COPS7B: variants seen among roughly 807,000 people sequenced by gnomAD.
COPS7B encodes COP9 signalosome complex subunit 7b.
In COPS7B, 9 loss-of-function variants were observed where a neutral mutation model predicts 33.4. The observed-to-expected ratio is 0.27, with a 90% CI of 0.16 to 0.47. COPS7B has a LOEUF of 0.47. Among genes scored for constraint, COPS7B ranks in the 20% least tolerant of loss-of-function variants. COPS7B has a pLI of 0.99. For missense variants in COPS7B, 242 were observed against 318.2 expected (o/e 0.76, Z 1.82); for synonymous variants, 119 against 126.3 (o/e 0.94, Z 0.39).
chr2:231,793,180 C>T (rs2049467979), intron 3 of COPS7B, among the ~76,000 whole-genome samples: 1 of 152,180 alleles, frequency 6.6e-6, no homozygotes, highest in Non-Finnish European at 1.5e-5. Flanking sequence ...TATTCCTTAC[C>T]TACACTCCTC....
rs955573798 is a variant in COPS7B, at chr2:231,794,146, A to G, written c.239-117A>G. On this transcript the variant is annotated intron_variant, in intron 3 of 6. Transcript: ENST00000350033. ...AATATTTGTCAAATGAATAAGTGCA[A>G]AGTCATGATAGTGATTCAGTAGTAG... 7.3e-5 allele frequency: 49 copies of G among 673,880 alleles called. 1 individual carries two copies. The African/African-American group carries it at 7.4e-4, about 10-fold the overall frequency. The allele number at this position is 673,880 out of a possible 1,614,324, so 41.7% of individuals were successfully genotyped here.
chr2:231,808,271 C>T lies in COPS7B; in HGVS notation c.*626C>T, dbSNP rs978802318. 3.2e-5 allele frequency: 12 copies of T among 373,408 alleles called. No individual in the cohort carries two copies. The highest frequency in any genetic ancestry group is 7.8e-5 in the East Asian group (1 of 12,752). 23.1% of individuals were successfully genotyped at this position (373,408 alleles called of 1,614,324 possible). A position where few individuals can be genotyped will look rare whatever the true frequency, so the allele number is the denominator to read the frequency against. Reference sequence around the variant, plus strand: ...GCTCCGATCTCCAATTAGTTGAGAGCGCTGGGTTGACTAACCTCTGGTATC... The same window carrying T: ...GCTCCGATCTCCAATTAGTTGAGAGTGCTGGGTTGACTAACCTCTGGTATC... On this transcript the variant is annotated 3_prime_UTR_variant, in exon 7 of 7. Coordinates refer to ENST00000350033, the MANE Select transcript of COPS7B (RefSeq NM_022730.4).
chr2:231,799,375 T>TC (rs1379606794), intron 6 of COPS7B, among the ~76,000 whole-genome samples: 1 of 152,188 alleles, frequency 6.6e-6, no homozygotes, highest in Non-Finnish European at 1.5e-5. Flanking sequence ...CTGGGAGTGT[T>TC]CTGCTTCTTA....
chr2:231,806,045 G>A (rs2049885602), intron 6 of COPS7B, among the ~76,000 whole-genome samples: 2 of 151,816 alleles, frequency 1.3e-5, no homozygotes, highest in Non-Finnish European at 2.9e-5. Context: ...TTAGGGCATG[G>A]CTTTTCCCCC....
intron 5 of COPS7B, among the ~76,000 whole-genome samples, chr2:231,797,523 A>G (rs1319855830): frequency 1.3e-5 from 2 of 152,226 alleles, no homozygotes; most frequent in Non-Finnish European, 2.9e-5. Flanking sequence ...TGGCTGACAC[A>G]GCTTTTTATG....
chr2:231,795,150 C>T (rs1303309137), intron 4 of COPS7B, among the ~76,000 whole-genome samples: 6 of 151,938 alleles, frequency 3.9e-5, no homozygotes, highest in East Asian at 3.9e-4. Context: ...AACTCCTGAC[C>T]TCAGGTGATC....
rs1378009199 is a variant in COPS7B, at chr2:231,788,705, A to G, written c.135A>G (p.Glu45=). The part of the protein sequence containing the change: ...LEAPGVYVFG[E]LLELANVQEL... ...CTCCCGGAGTGTATGTCTTTGGAGAACTTCTGGAGCTGGCCAACGTGCAGG... is the reference window on the plus strand; with the variant it reads ...CTCCCGGAGTGTATGTCTTTGGAGAGCTTCTGGAGCTGGCCAACGTGCAGG... Residue 45 remains glutamate (E), a synonymous_variant, in exon 2 of 7, where the codon GAA becomes GAG. Transcript: ENST00000350033. The G allele has an allele frequency of 4.3e-6, 7 of 1,614,122 alleles. No homozygotes were observed. The South Asian group carries it at 7.7e-5, about 18-fold the overall frequency.
chr2:231,804,301 G>A (rs1171025251), intron 6 of COPS7B, among the ~76,000 whole-genome samples: 4 of 150,434 alleles, frequency 2.7e-5, no homozygotes, highest in Admixed American at 2.7e-4. Context: ...AGGCAGGAGT[G>A]CAGTGGCGCG....
chr2:231,791,541 T>C lies in COPS7B; in HGVS notation c.163-192T>C, dbSNP rs3748919. On this transcript the variant is annotated intron_variant, in intron 2 of 6. Coordinates refer to ENST00000350033, the MANE Select transcript of COPS7B (RefSeq NM_022730.4). ...ATTCCTGAGAGAGAGAAATTAAATT[T>C]GGGGCTTTAATAATCTTGTTTATTT... The C allele has an allele frequency of 1.5e-3, 871 of 573,846 alleles. 22 individuals are homozygous for C. The East Asian group carries it at 0.025, about 16-fold the overall frequency. 35.5% of individuals were successfully genotyped at this position (573,846 alleles called of 1,614,324 possible).
intron 2 of COPS7B, 36 bp downstream of exon 2, chr2:231,788,768 A>G (rs752754786): frequency 4.5e-6 from 7 of 1,571,184 alleles, no homozygotes; most frequent in East Asian, 2.2e-5. Context: ...TCTTTATTCT[A>G]AGACTCTGTA....
upstream of COPS7B, among the ~76,000 whole-genome samples, chr2:231,783,675 C>G (rs1212262136): frequency 6.6e-6 from 1 of 152,120 alleles, no homozygotes; most frequent in African/African-American, 2.4e-5. Flanking sequence ...TTGCAGATAT[C>G]TTTTCCAAGG....
Position 231,796,255 on chromosome 2 carries a change from C to T in COPS7B, c.477C>T (p.Gly159=). 1 of 1,614,166 alleles carries T rather than the reference C, an allele frequency of 6.2e-7. No homozygotes were observed. The highest frequency in any genetic ancestry group is 8.5e-7 in the Non-Finnish European group (1 of 1,180,042). The change falls in exon 5 of 7, where the codon GGC becomes GGT. Residue 159 remains glycine, a synonymous_variant. Transcript: ENST00000350033. The stretch of plus-strand genomic sequence containing the variant: ...TGCTGGAAGTGGATTTCTGCATTGG[C>T]CGTGACATCCGAAAGAAGGATATCA... The part of the protein sequence containing the change: ...NQLLEVDFCI[G]RDIRKKDINN...
chr2:231,799,353 G>A (rs563250168), intron 6 of COPS7B, among the ~76,000 whole-genome samples: 1 of 152,276 alleles, frequency 6.6e-6, no homozygotes, highest in African/African-American at 2.4e-5. Flanking sequence ...GGGCATGTGG[G>A]GCTTCAAGGC....
At chr2:231,794,427 C>T (rs894326152) in intron 4 of COPS7B, 76 bp downstream of exon 4, 33 of 1,162,724 alleles carry the variant, frequency 2.8e-5, no homozygotes, top group Admixed American at 2.0e-4. Flanking sequence ...GAAGGAAGTC[C>T]CAGCTGCACA....
chr2:231,801,056 T>A (rs899775437), intron 6 of COPS7B: 1 of 1,055,578 alleles, frequency 9.5e-7, no homozygotes, highest in African/African-American at 1.6e-5. Flanking sequence ...TTTGTATTTA[T>A]GCCTCTGTTA....
chr2:231,793,655 T>C (rs2049484709), intron 3 of COPS7B: 1 of 152,292 alleles, frequency 6.6e-6, no homozygotes, highest in Non-Finnish European at 1.5e-5. Context: ...TTCCAAATGA[T>C]ACTGTTCTCT....
chr2:231,796,315 C>T lies in COPS7B; in HGVS notation c.530+7C>T, dbSNP rs2049568976. 1 of 1,612,154 alleles carries T rather than the reference C, an allele frequency of 6.2e-7. No homozygotes were observed. Among genetic ancestry groups the T allele is most frequent in the Admixed American group, 1.7e-5 (1 of 59,980 alleles). On this transcript the variant is annotated splice_region_variant and intron_variant, in intron 5 of 6. Coordinates refer to ENST00000350033, the MANE Select transcript of COPS7B (RefSeq NM_022730.4). ...TCAAGACCCTGCATGAATGGTGAGG[C>T]TAAAAGGAGGAGGGGGATATCTAGC...
chr2:231,806,553 CAAAAAA>C (rs199988222), intron 6 of COPS7B, among the ~76,000 whole-genome samples: 1 of 89,736 alleles, frequency 1.1e-5, no homozygotes. Flanking sequence ...ACTCTGTCTC[CAAAAAA>C]AAAAAAAAAA....
At chr2:231,786,277 T>C, upstream of COPS7B, 1 of 221,326 alleles carries the variant, frequency 4.5e-6, no homozygotes. Flanking sequence ...CCCGCCTGGT[T>C]CCCGGGCTGC....
Sources: gnomAD v4.1 joint callset for allele counts (sites outside exome capture counted in the v4.1 genomes callset) on GRCh38, gnomAD v4.1.1 for gene constraint, MANE v1.5 for transcripts, NCBI Gene and HGNC (gene_info 2026-07-23, HGNC 2026-07-21) for gene names.